ANKRD30BL: variants seen among roughly 807,000 people sequenced by gnomAD.
ANKRD30BL encodes the protein putative ankyrin repeat domain-containing protein 30B-like.
A neutral mutation model predicts 18.4 loss-of-function variants in ANKRD30BL; 20 were observed. That is an observed-to-expected ratio of 1.09 (90% CI 0.77 to 1.58). The LOEUF (loss-of-function observed/expected upper bound fraction) is 1.58, where lower values mean the gene tolerates loss of function less well. Ranked by LOEUF, ANKRD30BL falls within the 40% of genes most tolerant of loss-of-function variation. The pLI is 0.00. For missense variants in ANKRD30BL, 224 were observed against 268.6 expected, an observed-to-expected ratio of 0.83 and a Z score of 1.16; for synonymous variants, 72 against 100.9, an observed-to-expected ratio of 0.71 and a Z score of 1.72.
At chr2:132,252,399 C>T (rs1172125515) in intron 1 of ANKRD30BL, among the ~76,000 whole-genome samples, 11 of 152,304 alleles carry the variant, frequency 7.2e-5, no homozygotes, top group East Asian at 3.9e-4. Context: ...GGTGGGCACA[C>T]GATGGTGGAC....
chr2:132,195,899 T>C (rs1678956961), intron 1 of ANKRD30BL, among the ~76,000 whole-genome samples: 2 of 151,486 alleles, frequency 1.3e-5, no homozygotes, highest in African/African-American at 4.8e-5. Flanking sequence ...TCCAGCACTT[T>C]GGGAGGACCA....
intron 1 of ANKRD30BL, among the ~76,000 whole-genome samples, chr2:132,240,783 G>A (rs575543318): frequency 2.9e-3 from 431 of 150,866 alleles, no homozygotes; most frequent in African/African-American, 9.7e-3. Context: ...GTAGTTTCTG[G>A]AAGTGGACAT....
chr2:132,206,146 A>T (rs1252545087), intron 1 of ANKRD30BL, among the ~76,000 whole-genome samples: 2 of 152,268 alleles, frequency 1.3e-5, no homozygotes, highest in East Asian at 3.9e-4. Flanking sequence ...TGACAGAGCA[A>T]GAGAAAGAAA....
In ANKRD30BL at chr2:132,203,832, T is replaced by C. The variant is rs540940462; in HGVS notation, n.442-46686A>G. On this transcript the variant is annotated intron_variant and non_coding_transcript_variant, in intron 1 of 4. Coordinates refer to the ANKRD30BL transcript ENST00000470729. ...GATGTAGTAGATTAATACCAAATTCTCTTACTTTTGGTTTCATCAAAAAAT... is the reference window on the plus strand; with the variant it reads ...GATGTAGTAGATTAATACCAAATTCCCTTACTTTTGGTTTCATCAAAAAAT... Among the ~76,000 whole-genome samples, 241 of 152,286 alleles carry C rather than the reference T, an allele frequency of 1.6e-3. 1 individual carries two copies. The highest frequency in any genetic ancestry group is 5.5e-3 in the African/African-American group (227 of 41,596).
intron 1 of ANKRD30BL, among the ~76,000 whole-genome samples, chr2:132,205,493 C>A (rs984464364): frequency 4.6e-5 from 7 of 151,264 alleles, no homozygotes; most frequent in African/African-American, 1.7e-4. Flanking sequence ...CGCAGCTACT[C>A]GGGAGGCTGA....
At chr2:132,206,520 TA>T (rs1679215725) in intron 1 of ANKRD30BL, among the ~76,000 whole-genome samples, 1 of 152,152 alleles carries the variant, frequency 6.6e-6, no homozygotes, top group African/African-American at 2.4e-5. Flanking sequence ...TTCCCATATG[TA>T]AAATGAGAAT....
chr2:132,187,917 C>A (rs1365370329), intron 1 of ANKRD30BL, among the ~76,000 whole-genome samples: 1 of 152,054 alleles, frequency 6.6e-6, no homozygotes, highest in Non-Finnish European at 1.5e-5. Context: ...TGCCACCATG[C>A]CCAGCTAATT....
intron 1 of ANKRD30BL, among the ~76,000 whole-genome samples, chr2:132,187,555 G>A (rs1275947632): frequency 6.6e-6 from 1 of 151,672 alleles, no homozygotes; most frequent in Middle Eastern, 3.2e-3. Flanking sequence ...ACCTCGTGAT[G>A]AGCCCACCTC....
At chr2:132,246,078 C>A (rs1193033659) in intron 1 of ANKRD30BL, among the ~76,000 whole-genome samples, 1 of 151,274 alleles carries the variant, frequency 6.6e-6, no homozygotes, top group East Asian at 1.9e-4. Context: ...ATAGAATCTG[C>A]AAGTTGATAT....
intron 1 of ANKRD30BL, among the ~76,000 whole-genome samples, chr2:132,184,577 A>G (rs1313580843): frequency 1.3e-5 from 2 of 152,226 alleles, no homozygotes; most frequent in East Asian, 3.8e-4. Flanking sequence ...TGCAAATTTA[A>G]CTTTAATGTT....
At chr2:132,213,967 A>T (rs1039674487) in intron 1 of ANKRD30BL, among the ~76,000 whole-genome samples, 1 of 151,512 alleles carries the variant, frequency 6.6e-6, no homozygotes, top group African/African-American at 2.4e-5. Context: ...TTTGAGGGTG[A>T]TGGTCAATAA....
intron 1 of ANKRD30BL, among the ~76,000 whole-genome samples, chr2:132,241,809 T>A (rs1456095768): frequency 6.6e-6 from 1 of 152,000 alleles, no homozygotes; most frequent in Non-Finnish European, 1.5e-5. Context: ...AATCTGCAAG[T>A]GGATATTTGG....
chr2:132,234,798 T>C (rs1342482517), intron 1 of ANKRD30BL, among the ~76,000 whole-genome samples: 3 of 152,052 alleles, frequency 2.0e-5, no homozygotes, highest in Non-Finnish European at 4.4e-5. Context: ...ACTATTCCAA[T>C]CAATTGAAAA....
At chr2:132,218,823 A>C (rs1005615175) in intron 1 of ANKRD30BL, among the ~76,000 whole-genome samples, 2 of 152,208 alleles carry the variant, frequency 1.3e-5, no homozygotes, top group Non-Finnish European at 2.9e-5. Context: ...ATTAGACAGC[A>C]GCATTCTCAA....
At chr2:132,164,405 C>T (rs959110884), upstream of ANKRD30BL, among the ~76,000 whole-genome samples, 2 of 151,730 alleles carry the variant, frequency 1.3e-5, no homozygotes, top group Non-Finnish European at 2.9e-5. Context: ...ATTCTCCTGC[C>T]TCAGCCTCCT....
intron 1 of ANKRD30BL, among the ~76,000 whole-genome samples, chr2:132,171,157 A>C (rs1256724993): frequency 6.6e-6 from 1 of 151,314 alleles, no homozygotes; most frequent in Admixed American, 6.6e-5. Context: ...TCTGTCTCAA[A>C]AAAAAAAAAA....
chr2:132,228,349 A>C (rs1017782804), intron 1 of ANKRD30BL, among the ~76,000 whole-genome samples: 10 of 151,988 alleles, frequency 6.6e-5, no homozygotes, highest in Non-Finnish European at 1.2e-4. Context: ...TTGATTAAGC[A>C]GTTTGGAAAC....
At chr2:132,250,299 G>A (rs62164972) in intron 1 of ANKRD30BL, among the ~76,000 whole-genome samples, 5 of 150,064 alleles carry the variant, frequency 3.3e-5, no homozygotes, top group Non-Finnish European at 4.4e-5. Context: ...GCAGTTTCTC[G>A]GAAACATTCA....
intron 1 of ANKRD30BL, among the ~76,000 whole-genome samples, chr2:132,238,789 T>A (rs1332631673): frequency 6.6e-6 from 1 of 152,082 alleles, no homozygotes; most frequent in African/African-American, 2.4e-5. Flanking sequence ...CGGGAATATT[T>A]TCATATAAAA....
Sources: allele counts gnomAD v4.1 joint callset (sites outside exome capture counted in the v4.1 genomes callset), GRCh38; gene constraint gnomAD v4.1.1; transcripts MANE v1.5; gene names NCBI Gene and HGNC (gene_info 2026-07-23, HGNC 2026-07-21).